The following KIAA1549 variants were observed in gnomAD, a reference collection of about 807,000 sequenced individuals.
KIAA1549 encodes UPF0606 protein KIAA1549.
In KIAA1549, 70 loss-of-function variants were observed where a neutral mutation model predicts 156.4. The observed-to-expected ratio is 0.45, with a 90% CI of 0.37 to 0.55. KIAA1549 has a LOEUF of 0.55. Ranked by LOEUF, KIAA1549 falls within the 20% of genes least tolerant of loss-of-function variation. KIAA1549 has a pLI of 0.00. For synonymous variants in KIAA1549, 1,103 were observed against 1,066.4 expected, an observed-to-expected ratio of 1.03 and a Z score of -0.67; for missense variants, 2,428 against 2,540.9, an observed-to-expected ratio of 0.96 and a Z score of 0.96.
intron 2 of KIAA1549, among the ~76,000 whole-genome samples, chr7:138,915,553 C>T (rs2774965): frequency 0.5 from 76,370 of 151,528 alleles, 22,266 homozygotes; most frequent in African/African-American, 0.82. Flanking sequence ...TCCCACCTGC[C>T]CAGAGGGATG....
intron 1 of KIAA1549, among the ~76,000 whole-genome samples, chr7:138,956,477 T>C (rs375989969): frequency 3.9e-4 from 60 of 152,340 alleles, no homozygotes; most frequent in African/African-American, 1.4e-3. Flanking sequence ...GGGAGGGATC[T>C]GGTGGAAGAT....
At position 138,918,207 on chromosome 7, in the gene KIAA1549, TTCAGAG is replaced by T. The variant is rs1428895386; in HGVS notation, c.1413_1418del (p.Phe471_Glu473delinsLeu). ...TAAATACTTGAGGATCTTCCTCAAATTCAGAGAAGTCTGCTACGACGCTACTCATTA... is the reference window on the plus strand; with the variant it reads ...TAAATACTTGAGGATCTTCCTCAAATAAGTCTGCTACGACGCTACTCATTA... On this transcript the variant is annotated inframe_deletion, in exon 2 of 20. Coordinates refer to ENST00000422774, the MANE Select transcript of KIAA1549 (RefSeq NM_001164665.2). This position sits in a 1 kb window ranked among gnomAD's most constrained non-coding sequence, Gnocchi z 4.2. The T allele has an allele frequency of 6.2e-7, 1 of 1,614,018 alleles. No homozygotes were observed.
intron 18 of KIAA1549, among the ~76,000 whole-genome samples, chr7:138,841,968 C>G (rs149284587): frequency 6.6e-6 from 1 of 152,120 alleles, no homozygotes; most frequent in African/African-American, 2.4e-5. Context: ...AAAAGCTGTC[C>G]TGGCTCTGGG....
In KIAA1549 at chr7:138,964,811, C is replaced by T. The variant is rs114132279; in HGVS notation, c.187+16272G>A. ...GGATTGCTTCAGCCTTTCTAGAGAG[C>T]GATTTGGCAATATGCATCAAAATTT... is the stretch of plus-strand genomic sequence containing the variant. On this transcript the variant is annotated intron_variant, in intron 1 of 19. Transcript: ENST00000422774. Among the ~76,000 whole-genome samples, 152 of 152,250 alleles carry T rather than the reference C, an allele frequency of 1.0e-3. 1 individual carries two copies. The highest frequency in any genetic ancestry group is 3.5e-3 in the African/African-American group (146 of 41,540).
chr7:138,950,147 T>C (rs1016523853), intron 1 of KIAA1549, among the ~76,000 whole-genome samples: 4 of 152,224 alleles, frequency 2.6e-5, no homozygotes, highest in Admixed American at 1.3e-4. Context: ...GGGCAGGTCA[T>C]GTTCTGTTTC....
chr7:138,895,857 C>G (rs2130435844), intron 9 of KIAA1549, among the ~76,000 whole-genome samples: 1 of 152,182 alleles, frequency 6.6e-6, no homozygotes, highest in East Asian at 1.9e-4. Flanking sequence ...CTCCCTAAAC[C>G]TTTGAAACAT....
intron 10 of KIAA1549, among the ~76,000 whole-genome samples, chr7:138,885,139 G>A (rs1188279671): frequency 2.6e-5 from 4 of 152,212 alleles, no homozygotes; most frequent in Admixed American, 2.6e-4. Flanking sequence ...AGGTTGTGGT[G>A]AGCTGAGATC....
At chr7:138,871,467 G>T in intron 12 of KIAA1549, 105 bp from the exon 13 acceptor site, 3 of 952,962 alleles carry the variant, frequency 3.1e-6, no homozygotes, top group African/African-American at 1.7e-5. Context: ...ATGGGCCTCT[G>T]ACCAAAAATA....
At chr7:138,928,053 T>A (rs1242799272) in intron 1 of KIAA1549, among the ~76,000 whole-genome samples, 3 of 151,474 alleles carry the variant, frequency 2.0e-5, no homozygotes, top group South Asian at 4.2e-4. Flanking sequence ...CCCGAGTAGC[T>A]GGGACTACAG....
Position 138,832,191 on chromosome 7 carries a change from C to CTTTTTTTTTTTTTT in KIAA1549, c.*5701_*5714dup, listed in dbSNP as rs749938588. The CTTTTTTTTTTTTTT allele has an allele frequency of 5.4e-4, 77 of 143,756 alleles. 3 individuals are homozygous for CTTTTTTTTTTTTTT. Among genetic ancestry groups the CTTTTTTTTTTTTTT allele is most frequent in the African/African-American group, 2.4e-3 (72 of 30,004 alleles). 8.9% of individuals were successfully genotyped at this position (143,756 alleles called of 1,614,324 possible). ...TCACCTCTGTCCCTTTTACCTATTC[C>CTTTTTTTTTTTTTT]TTTTTTTTTTTTTTTTTTTTCCAGA... is the stretch of plus-strand genomic sequence containing the variant. On this transcript the variant is annotated 3_prime_UTR_variant, in exon 20 of 20. Coordinates refer to ENST00000422774, the MANE Select transcript of KIAA1549 (RefSeq NM_001164665.2).
At chr7:138,872,314 T>C (rs994780511) in intron 12 of KIAA1549, among the ~76,000 whole-genome samples, 1 of 150,374 alleles carries the variant, frequency 6.7e-6, no homozygotes, top group Non-Finnish European at 1.5e-5. Flanking sequence ...TTTTAGGCCA[T>C]GTATATTCAA....
intron 1 of KIAA1549, among the ~76,000 whole-genome samples, chr7:138,940,167 C>A (rs1454327742): frequency 6.6e-6 from 1 of 151,960 alleles, no homozygotes; most frequent in Non-Finnish European, 1.5e-5. Context: ...CTCCCCGCTC[C>A]CCCCACCCCA....
intron 15 of KIAA1549, among the ~76,000 whole-genome samples, chr7:138,862,400 A>G (rs1810611622): frequency 1.3e-5 from 2 of 151,976 alleles, no homozygotes; most frequent in Non-Finnish European, 2.9e-5. Context: ...GCTACTCACA[A>G]GGCTGAGTCA....
At chr7:138,975,540 C>T (rs115019544) in intron 1 of KIAA1549, among the ~76,000 whole-genome samples, 2,292 of 152,086 alleles carry the variant, frequency 0.015, 56 homozygotes, top group African/African-American at 0.052. Context: ...GAGATTAGCG[C>T]TAATCTCATT....
In KIAA1549 at chr7:138,861,155, G is replaced by A; in HGVS notation, c.5231C>T (p.Ala1744Val). ...AGTACTTACACTGCAGGGATTGTTG[G>A]CCGTCTGGGCTGGGCTGTAGAAGGA... ...WGSFYSPAQT[A>V]NNPCSRYEDY... is the part of the protein sequence containing the mutation. Residue 1744 changes from alanine (A) to valine (V), a missense_variant, in exon 16 of 20, where the codon GCC becomes GTC. Physicochemically the swap from Ala to Val is moderately conservative, Grantham distance 64 (BLOSUM62 0). Around this residue, in one of 5 missense-constraint regions of KIAA1549, gnomAD observed 363 missense variants for 354.0 expected, o/e 1.03. Transcript: ENST00000422774. 6.2e-7 allele frequency: 1 copy of A among 1,613,814 alleles called. No homozygotes were observed. The highest frequency in any genetic ancestry group is 1.1e-5 in the South Asian group (1 of 91,062).
intron 1 of KIAA1549, among the ~76,000 whole-genome samples, chr7:138,944,602 G>A (rs144705266): frequency 1.3e-4 from 20 of 151,742 alleles, no homozygotes; most frequent in Non-Finnish European, 2.4e-4. Context: ...CTGCTTGAAC[G>A]CAGCATTATT....
Position 138,907,150 on chromosome 7 carries a change from G to A in KIAA1549, c.3277-48C>T, listed in dbSNP as rs747286747. 6 of 1,371,652 alleles carry A rather than the reference G, an allele frequency of 4.4e-6. No homozygotes were observed. The South Asian group carries it at 1.1e-4, about 24-fold the overall frequency. The allele number at this position is 1,371,652 out of a possible 1,614,324, so 85.0% of individuals were successfully genotyped here. A position where few individuals can be genotyped will look rare whatever the true frequency, so the allele number is the denominator to read the frequency against. On this transcript the variant is annotated intron_variant, in intron 5 of 19. Coordinates refer to ENST00000422774, the MANE Select transcript of KIAA1549 (RefSeq NM_001164665.2). The stretch of plus-strand genomic sequence containing the variant: ...AGCTTCTATAATAAAACATTCTGCT[G>A]AAAGCTTAACCATGATTTCTCTCTC...
intron 10 of KIAA1549, among the ~76,000 whole-genome samples, chr7:138,889,564 A>G (rs1811492430): frequency 6.6e-6 from 1 of 152,260 alleles, no homozygotes; most frequent in African/African-American, 2.4e-5. Flanking sequence ...TGATGACCAG[A>G]TGAATTTCAA....
chr7:138,981,110 G>A lies in KIAA1549; in HGVS notation c.160C>T (p.Leu54=), dbSNP rs1814533767. The A allele has an allele frequency of 3.3e-6, 4 of 1,212,148 alleles. No homozygotes were observed. In the East Asian group the frequency reaches 1.3e-4, roughly 40 times the overall value. The allele number at this position is 1,212,148 out of a possible 1,614,324, so 75.1% of individuals were successfully genotyped here. A position where few individuals can be genotyped will look rare whatever the true frequency, so the allele number is the denominator to read the frequency against. Residue 54 remains leucine (L), a synonymous_variant, in exon 1 of 20, where the codon CTG becomes TTG. Transcript: ENST00000422774. The surrounding 1 kb of genome is among the most constrained non-coding windows in gnomAD (Gnocchi z 4.5). ...LLLPGLWLLL[L]ARPASCAPDE... ...GGGGCGCACGAGGCCGGCCGGGCCA[G>A]CAGCAGCAGCCAGAGGCCAGGAAGC...
Sources: allele counts gnomAD v4.1 joint callset (sites outside exome capture counted in the v4.1 genomes callset), GRCh38; gene constraint gnomAD v4.1.1; regional missense constraint gnomAD v4.1.1; non-coding constraint Gnocchi (gnomAD v3.1); transcripts MANE v1.5; gene names NCBI Gene and HGNC (gene_info 2026-07-23, HGNC 2026-07-21).